CDH12: variants seen among roughly 807,000 people sequenced by gnomAD.
CDH12 encodes the protein cadherin-12.
A neutral mutation model predicts 74.1 loss-of-function variants in CDH12; 41 were observed. The ratio of observed to expected loss-of-function variants is 0.55; its 90% confidence interval spans 0.43 to 0.72. The LOEUF (loss-of-function observed/expected upper bound fraction) is 0.72. CDH12 is among the 30% of genes least tolerant of loss of function. CDH12 has a pLI of 0.00. For synonymous variants in CDH12, 399 were observed against 355.0 expected (o/e 1.12, Z -1.39); for missense variants, 945 against 977.2 (o/e 0.97, Z 0.44).
At chr5:21,794,441 C>T (rs766251599) in intron 10 of CDH12, among the ~76,000 whole-genome samples, 5 of 151,604 alleles carry the variant, frequency 3.3e-5, no homozygotes, top group Non-Finnish European at 7.4e-5. Context: ...CGCAGTATAC[C>T]ACAGTTGTGA....
At chr5:22,057,961 A>T (rs910117680) in intron 5 of CDH12, among the ~76,000 whole-genome samples, 1 of 151,976 alleles carries the variant, frequency 6.6e-6, no homozygotes, top group African/African-American at 2.4e-5. Flanking sequence ...ACCATTTCTT[A>T]TTATCTGGTT....
intron 1 of CDH12, among the ~76,000 whole-genome samples, chr5:22,508,886 A>C (rs1266669632): frequency 1.3e-5 from 2 of 152,246 alleles, no homozygotes; most frequent in East Asian, 1.9e-4. Flanking sequence ...TTGGGCACAT[A>C]GTCTCAGGAC....
intron 3 of CDH12, among the ~76,000 whole-genome samples, chr5:22,376,353 A>C (rs1046753793): frequency 7.9e-5 from 12 of 151,270 alleles, no homozygotes; most frequent in African/African-American, 2.9e-4. Flanking sequence ...GCAAACATAC[A>C]CTTAAATACA....
At chr5:21,930,446 C>A (rs1754782296) in intron 6 of CDH12, among the ~76,000 whole-genome samples, 1 of 152,156 alleles carries the variant, frequency 6.6e-6, no homozygotes, top group Non-Finnish European at 1.5e-5. Context: ...CAGGGACAAT[C>A]TTGATTTACA....
intron 3 of CDH12, among the ~76,000 whole-genome samples, chr5:22,297,031 T>G (rs1306986342): frequency 6.6e-6 from 1 of 152,102 alleles, no homozygotes; most frequent in Non-Finnish European, 1.5e-5. Context: ...GTTGTTGTTG[T>G]TGGTTTTTGG....
At chr5:22,206,323 TA>T (rs1323987442) in intron 4 of CDH12, among the ~76,000 whole-genome samples, 1 of 152,174 alleles carries the variant, frequency 6.6e-6, no homozygotes, top group Non-Finnish European at 1.5e-5. Context: ...TGCCTGTTCT[TA>T]AGGTTTGAGA....
chr5:21,843,041 C>A (rs1307108031), intron 7 of CDH12, among the ~76,000 whole-genome samples: 1 of 152,136 alleles, frequency 6.6e-6, no homozygotes, highest in Admixed American at 6.6e-5. Context: ...ATATTGTCCT[C>A]ATTTCCTGCC....
chr5:22,195,645 A>T (rs911547678), intron 4 of CDH12, among the ~76,000 whole-genome samples: 11 of 152,162 alleles, frequency 7.2e-5, no homozygotes, highest in African/African-American at 2.7e-4. Flanking sequence ...ATGAATAAGA[A>T]AATATAAAAT....
chr5:22,714,961 A>G (rs779886886), intron 1 of CDH12, among the ~76,000 whole-genome samples: 2 of 152,186 alleles, frequency 1.3e-5, no homozygotes, highest in Non-Finnish European at 2.9e-5. Flanking sequence ...CCCAGGCTGG[A>G]ATACTGGTGC....
intron 1 of CDH12, among the ~76,000 whole-genome samples, chr5:22,540,595 A>G (rs963402836): frequency 2.0e-5 from 3 of 152,220 alleles, no homozygotes; most frequent in East Asian, 1.9e-4. Flanking sequence ...ATGTGATTGT[A>G]TACATTAAGA....
At chr5:22,636,661 AG>A (rs1191431367) in intron 1 of CDH12, among the ~76,000 whole-genome samples, 4 of 152,184 alleles carry the variant, frequency 2.6e-5, no homozygotes, top group Admixed American at 6.5e-5. Flanking sequence ...ACAATGTCTG[AG>A]GGAGGGTCAA....
At chr5:22,836,792 T>C (rs1306061424) in intron 1 of CDH12, among the ~76,000 whole-genome samples, 1 of 152,158 alleles carries the variant, frequency 6.6e-6, no homozygotes, top group African/African-American at 2.4e-5. Context: ...AAGTGATCCC[T>C]ACAATGAATA....
intron 2 of CDH12, among the ~76,000 whole-genome samples, chr5:22,482,336 T>C (rs1746415385): frequency 1.3e-5 from 2 of 152,160 alleles, no homozygotes; most frequent in Admixed American, 6.5e-5. Context: ...CACAGCATGC[T>C]TGACATGTTA....
At chr5:22,645,834 G>T (rs1739407391) in intron 1 of CDH12, among the ~76,000 whole-genome samples, 1 of 151,962 alleles carries the variant, frequency 6.6e-6, no homozygotes, top group Non-Finnish European at 1.5e-5. Flanking sequence ...ACAACTCATT[G>T]AAGGTTTAGA....
intron 2 of CDH12, among the ~76,000 whole-genome samples, chr5:22,426,310 AT>A (rs1561395241): frequency 6.8e-6 from 1 of 147,656 alleles, no homozygotes; most frequent in Non-Finnish European, 1.5e-5. Flanking sequence ...GTTTTATTTT[AT>A]TTTTATATTG....
chr5:22,174,523 G>A lies in CDH12; in HGVS notation c.-187+37975C>T, dbSNP rs559446839. Among the ~76,000 whole-genome samples, 3 of 152,004 alleles carry A rather than the reference G, an allele frequency of 2.0e-5. No individual in the cohort carries two copies. In the South Asian group the frequency reaches 6.2e-4, roughly 32 times the overall value. ...CTAAACTGCAAGCCTAGAATTTAGT[G>A]AAAAATCAGGCAGAAATCATGAATT... is the stretch of plus-strand genomic sequence containing the variant. On this transcript the variant is annotated intron_variant, in intron 4 of 14. Transcript: ENST00000382254.
At chr5:22,308,748 A>G (rs935493520) in intron 3 of CDH12, among the ~76,000 whole-genome samples, 1 of 151,890 alleles carries the variant, frequency 6.6e-6, no homozygotes, top group Non-Finnish European at 1.5e-5. Context: ...GAACTAGGAC[A>G]TGGACACCAT....
At chr5:21,922,245 A>G (rs1754386473) in intron 6 of CDH12, among the ~76,000 whole-genome samples, 1 of 152,212 alleles carries the variant, frequency 6.6e-6, no homozygotes, top group Non-Finnish European at 1.5e-5. Context: ...ATATTTATAA[A>G]AGATTATCAT....
In CDH12 at chr5:21,799,486, A is replaced by T. The variant is rs181856708; in HGVS notation, c.1256+2681T>A. ...TAAGGGTTGATAGATTGATTACTTA[A>T]TAAGAAGATTTGTATAGGTGTGAAC... On this transcript the variant is annotated intron_variant, in intron 10 of 14. Coordinates refer to ENST00000382254, the MANE Select transcript of CDH12 (RefSeq NM_004061.5). Among the ~76,000 whole-genome samples, 53 of 152,328 alleles carry T rather than the reference A, an allele frequency of 3.5e-4. No individual in the cohort carries two copies. The East Asian group carries it at 9.6e-3, about 28-fold the overall frequency.
Sources: allele counts gnomAD v4.1 joint callset (sites outside exome capture counted in the v4.1 genomes callset), GRCh38; gene constraint gnomAD v4.1.1; transcripts MANE v1.5; gene names NCBI Gene and HGNC (gene_info 2026-07-23, HGNC 2026-07-21).